IL4I1: variants seen among roughly 807,000 people sequenced by gnomAD.
IL4I1 encodes the protein interleukin 4 induced 1, also known as L-amino-acid oxidase.
In IL4I1, 24 loss-of-function variants were observed where a neutral mutation model predicts 29.7. That is an observed-to-expected ratio of 0.81 (90% CI 0.59 to 1.14). IL4I1 has a LOEUF of 1.14. Among genes scored for constraint, IL4I1 ranks in the 50% most tolerant of loss-of-function variants. The pLI is 0.00. For missense variants in IL4I1, 686 were observed against 785.6 expected, an observed-to-expected ratio of 0.87 and a Z score of 1.52; for synonymous variants, 371 against 352.5, an observed-to-expected ratio of 1.05 and a Z score of -0.59.
At chr19:49,914,671 G>GCTGTCACCCCA (rs2075572498) in intron 2 of IL4I1, among the ~76,000 whole-genome samples, 2 of 148,554 alleles carry the variant, frequency 1.3e-5, no homozygotes, top group South Asian at 4.2e-4. Flanking sequence ...CCCAGCCTTC[G>GCTGTCACCCCA]GTCAGCTCTA....
At chr19:49,900,951 T>G, upstream of IL4I1, among the ~76,000 whole-genome samples, 1 of 152,352 alleles carries the variant, frequency 6.6e-6, no homozygotes, top group East Asian at 1.9e-4. Flanking sequence ...CTGGCCCCAC[T>G]GGGGGCCTCG....
intron 2 of IL4I1, among the ~76,000 whole-genome samples, chr19:49,927,101 T>G (rs951136364): frequency 1.3e-5 from 2 of 152,080 alleles, no homozygotes; most frequent in African/African-American, 4.8e-5. Context: ...GATCAAGCAA[T>G]CTGCCCACCT....
rs1732524862 is a variant in IL4I1, at chr19:49,895,978, T to C, written c.89A>G (p.Gln30Arg). Residue 30 changes from glutamine to arginine, a missense_variant, in exon 3 of 8, where the codon CAA (glutamine) becomes CGA (arginine). By Grantham distance (43) the Gln-to-Arg change is conservative. Transcript: ENST00000391826. ...CTGCATGCATTTCTCGAAGGGGTCTTGGCTGCGTTCAGCCTTCCAGTCCTG... is the reference window on the plus strand; with the variant it reads ...CTGCATGCATTTCTCGAAGGGGTCTCGGCTGCGTTCAGCCTTCCAGTCCTG... ...ASQDWKAERS[Q>R]DPFEKCMQDP... 3 of 1,614,046 alleles carry C rather than the reference T, an allele frequency of 1.9e-6. No individual in the cohort carries two copies. Among genetic ancestry groups the C allele is most frequent in the African/African-American group, 1.3e-5 (1 of 74,908 alleles).
At chr19:49,919,585 T>C (rs2122711932) in intron 2 of IL4I1, among the ~76,000 whole-genome samples, 1 of 152,276 alleles carries the variant, frequency 6.6e-6, no homozygotes, top group East Asian at 1.9e-4. Context: ...TTTTCAACCT[T>C]CTCTCCTGCT....
At chr19:49,914,923 A>G (rs2075586369) in intron 2 of IL4I1, among the ~76,000 whole-genome samples, 1 of 151,296 alleles carries the variant, frequency 6.6e-6, no homozygotes, top group African/African-American at 2.4e-5. Flanking sequence ...TATTTTTAGT[A>G]GAGACGGGGT....
chr19:49,924,687 A>G (rs1233471143), intron 2 of IL4I1, among the ~76,000 whole-genome samples: 3 of 152,170 alleles, frequency 2.0e-5, no homozygotes, highest in Admixed American at 2.0e-4. Context: ...CAGGGTTCGA[A>G]GATCTGGGGA....
intron 2 of IL4I1, chr19:49,907,223 T>C: frequency 4.1e-6 from 1 of 243,872 alleles, no homozygotes; most frequent in South Asian, 3.9e-5. Context: ...CCACCCAAGG[T>C]ACAGGCTCAG....
chr19:49,925,439 T>TA (rs1441607918), intron 2 of IL4I1, among the ~76,000 whole-genome samples: 1 of 90,540 alleles, frequency 1.1e-5, no homozygotes, highest in Admixed American at 1.2e-4. Flanking sequence ...CCATCTCTAC[T>TA]AAAAAAAGCC....
intron 2 of IL4I1, chr19:49,909,960 G>A: frequency 1.3e-6 from 1 of 774,700 alleles, no homozygotes; most frequent in East Asian, 2.7e-5. Context: ...GGCACAGTCG[G>A]TTTGGAGGGT....
At chr19:49,903,830 G>GTTTT (rs113175852) in intron 3 of IL4I1, among the ~76,000 whole-genome samples, 1,253 of 66,470 alleles carry the variant, frequency 0.019, 233 homozygotes, top group Non-Finnish European at 0.023. Flanking sequence ...TATGTGCTGG[G>GTTTT]TTTTTTTTTT....
chr19:49,893,561 C>T (rs1173327189), intron 5 of IL4I1, among the ~76,000 whole-genome samples: 1 of 151,914 alleles, frequency 6.6e-6, no homozygotes, highest in Admixed American at 6.6e-5. Context: ...CAGATGTCTC[C>T]ATCAGCCCAT....
intron 2 of IL4I1, among the ~76,000 whole-genome samples, chr19:49,910,557 G>C (rs1027786352): frequency 1.3e-5 from 2 of 152,162 alleles, no homozygotes; most frequent in African/African-American, 4.8e-5. Flanking sequence ...CAGGCAATCG[G>C]AGCCTCCCCT....
At chr19:49,913,594 G>A (rs2075540079) in intron 2 of IL4I1, among the ~76,000 whole-genome samples, 1 of 152,224 alleles carries the variant, frequency 6.6e-6, no homozygotes. Flanking sequence ...ACTGTCCGCG[G>A]GACTCTCTCT....
chr19:49,892,288 G>A (rs2075149776), intron 5 of IL4I1, among the ~76,000 whole-genome samples: 1 of 151,844 alleles, frequency 6.6e-6, no homozygotes, highest in Non-Finnish European at 1.5e-5. Context: ...CATCATGTTG[G>A]TCAGGCTGGT....
chr19:49,904,517 AG>A (rs2075298558), intron 2 of IL4I1, among the ~76,000 whole-genome samples: 1 of 152,128 alleles, frequency 6.6e-6, no homozygotes, highest in African/African-American at 2.4e-5. Flanking sequence ...GGGGTGCTCA[AG>A]ATCCTTTGGG....
In IL4I1 at chr19:49,909,059, G is replaced by T. The variant is rs776473346; in HGVS notation, c.-227-4738C>A. 3.2e-5 allele frequency: 51 copies of T among 1,612,900 alleles called. No homozygotes were observed. Among genetic ancestry groups the T allele is most frequent in the South Asian group, 3.1e-4 (28 of 91,074 alleles). On this transcript the variant is annotated intron_variant, in intron 2 of 9. Transcript: ENST00000341114. Reference sequence around the variant, plus strand: ...TAAGCTGAAGCCCTGTGTCCCAGCAGTGGGGGCGCCCGCTGTGGTCACAGG... The same window carrying T: ...TAAGCTGAAGCCCTGTGTCCCAGCATTGGGGGCGCCCGCTGTGGTCACAGG...
chr19:49,912,238 C>T (rs1008619847), intron 2 of IL4I1, among the ~76,000 whole-genome samples: 4 of 143,254 alleles, frequency 2.8e-5, no homozygotes, highest in East Asian at 2.1e-4. Context: ...GGCATGATCT[C>T]GGCTCACTGC....
intron 2 of IL4I1, among the ~76,000 whole-genome samples, chr19:49,924,374 C>CG (rs902803544): frequency 4.6e-5 from 7 of 152,040 alleles, no homozygotes; most frequent in Non-Finnish European, 1.0e-4. Flanking sequence ...TCTTGCTGTG[C>CG]GGGGGTTCTC....
At chr19:49,920,935 G>A (rs566738064) in intron 2 of IL4I1, among the ~76,000 whole-genome samples, 1 of 152,300 alleles carries the variant, frequency 6.6e-6, no homozygotes, top group South Asian at 2.1e-4. Flanking sequence ...GGGGGAAGGA[G>A]GGAAGGGCCC....
Sources: gnomAD v4.1 joint callset for allele counts (sites outside exome capture counted in the v4.1 genomes callset) on GRCh38, gnomAD v4.1.1 for gene constraint, MANE v1.5 for transcripts, NCBI Gene and HGNC (gene_info 2026-07-23, HGNC 2026-07-21) for gene names.